PCSK5: variants seen among roughly 807,000 people sequenced by gnomAD.
PCSK5 encodes prohormone convertase 5.
Under a neutral mutation model 233.2 loss-of-function variants are expected in PCSK5, and 129 were observed. That is an observed-to-expected ratio of 0.55 (90% confidence interval 0.48 to 0.64). The LOEUF (loss-of-function observed/expected upper bound fraction) is 0.64. Among genes scored for constraint, PCSK5 ranks in the 30% least tolerant of loss-of-function variants. The pLI is 0.00. For synonymous variants in PCSK5, 825 were observed against 879.2 expected (o/e 0.94, Z 1.09); for missense variants, 2,076 against 2,430.1 (o/e 0.85, Z 3.06).
At chr9:75,917,518 A>G (rs1017824541) in intron 1 of PCSK5, among the ~76,000 whole-genome samples, 3 of 152,258 alleles carry the variant, frequency 2.0e-5, no homozygotes, top group African/African-American at 7.2e-5. Context: ...CATCAGATTC[A>G]ATATTTGCCC....
intron 24 of PCSK5, among the ~76,000 whole-genome samples, chr9:76,274,864 T>C (rs1168233754): frequency 1.3e-5 from 2 of 152,194 alleles, no homozygotes; most frequent in Non-Finnish European, 2.9e-5. Context: ...GGCTCCAGCA[T>C]CTGCTTCTAG....
rs59248860 is a variant in PCSK5, at chr9:76,173,496, C to CTTTTTTTTTTTTT, written c.1757-1466_1757-1454dup. ...CTTTAATGAAATGGAGGCACGTTTC[C>CTTTTTTTTTTTTT]TTTTTTTTTTTTTTTTTTTTTTTTT... is the stretch of plus-strand genomic sequence containing the variant. On this transcript the variant is annotated intron_variant, in intron 13 of 37. Coordinates refer to ENST00000674117, the MANE Select transcript of PCSK5 (RefSeq NM_001372043.1). Among the ~76,000 whole-genome samples, 194 of 60,978 alleles carry CTTTTTTTTTTTTT rather than the reference C, an allele frequency of 3.2e-3. 26 individuals carry two copies. Among genetic ancestry groups the CTTTTTTTTTTTTT allele is most frequent in the Non-Finnish European group, 4.4e-3 (132 of 30,114 alleles). 40.0% of individuals were successfully genotyped at this position (60,978 alleles called of 152,430 possible).
At chr9:75,964,637 T>C (rs1247226136) in intron 2 of PCSK5, among the ~76,000 whole-genome samples, 1 of 152,232 alleles carries the variant, frequency 6.6e-6, no homozygotes, top group Non-Finnish European at 1.5e-5. Flanking sequence ...GGTGTGTGCA[T>C]GTTGATGTAT....
At chr9:76,119,367 A>G (rs1270217129) in intron 9 of PCSK5, among the ~76,000 whole-genome samples, 1 of 152,118 alleles carries the variant, frequency 6.6e-6, no homozygotes, top group Non-Finnish European at 1.5e-5. Flanking sequence ...AGTATTATTT[A>G]GTCAAATATA....
chr9:76,161,372 T>C (rs1372984965), intron 12 of PCSK5, among the ~76,000 whole-genome samples: 2 of 152,006 alleles, frequency 1.3e-5, no homozygotes, highest in Non-Finnish European at 2.9e-5. Context: ...AAACTTCAGA[T>C]ACACAATTAC....
At chr9:76,206,185 G>T (rs1316255562) in intron 20 of PCSK5, among the ~76,000 whole-genome samples, 1 of 152,210 alleles carries the variant, frequency 6.6e-6, no homozygotes, top group Non-Finnish European at 1.5e-5. Context: ...TAAATTCCCA[G>T]TTGATGCTGA....
At chr9:76,109,432 A>AT (rs869255908) in intron 9 of PCSK5, among the ~76,000 whole-genome samples, 721 of 26,922 alleles carry the variant, frequency 0.027, 2 homozygotes, top group African/African-American at 0.057. Context: ...TAACACTATT[A>AT]TTTTTTTAAA....
At chr9:75,976,828 A>T (rs568503319) in intron 2 of PCSK5, among the ~76,000 whole-genome samples, 1 of 152,234 alleles carries the variant, frequency 6.6e-6, no homozygotes, top group Non-Finnish European at 1.5e-5. Flanking sequence ...AATGTTAAAG[A>T]AATATCCCCT....
chr9:75,909,158 CTA>C (rs1822601127), intron 1 of PCSK5, among the ~76,000 whole-genome samples: 1 of 145,622 alleles, frequency 6.9e-6, no homozygotes, highest in Admixed American at 6.9e-5. Context: ...AACCCTTTCT[CTA>C]CTAAAAATAC....
At chr9:76,182,821 G>A (rs1232166572) in intron 16 of PCSK5, among the ~76,000 whole-genome samples, 2 of 152,058 alleles carry the variant, frequency 1.3e-5, no homozygotes, top group Non-Finnish European at 2.9e-5. Context: ...CACAACCTAA[G>A]GAGACAAAGA....
intron 1 of PCSK5, among the ~76,000 whole-genome samples, chr9:75,896,598 T>A (rs1825816147): frequency 6.6e-6 from 1 of 152,206 alleles, no homozygotes; most frequent in African/African-American, 2.4e-5. Context: ...GCATTGGGAC[T>A]TTTTTATTCA....
intron 2 of PCSK5, among the ~76,000 whole-genome samples, chr9:75,965,333 A>C (rs1345957787): frequency 8.9e-6 from 1 of 112,232 alleles, no homozygotes; most frequent in Non-Finnish European, 1.9e-5. Flanking sequence ...TGAGGAGTGG[A>C]TTCACTTGAT....
chr9:76,195,011 A>AAGAT, intron 20 of PCSK5: 1 of 177,698 alleles, frequency 5.6e-6, no homozygotes, highest in East Asian at 1.7e-4. Flanking sequence ...CTAGACATCA[A>AAGAT]AGATAACTTA....
chr9:76,347,994 G>C (rs567116388), intron 35 of PCSK5, among the ~76,000 whole-genome samples: 1 of 152,078 alleles, frequency 6.6e-6, no homozygotes, highest in East Asian at 1.9e-4. Context: ...CATCAGGCCA[G>C]GCACAGTGGC....
At chr9:76,016,857 A>G (rs80011545) in intron 3 of PCSK5, among the ~76,000 whole-genome samples, 3,886 of 152,132 alleles carry the variant, frequency 0.026, 152 homozygotes, top group African/African-American at 0.088. Flanking sequence ...TTGATTTCTT[A>G]ACCCTCAATT....
At chr9:76,219,927 A>G (rs747700735) in intron 20 of PCSK5, among the ~76,000 whole-genome samples, 1 of 152,246 alleles carries the variant, frequency 6.6e-6, no homozygotes, top group Non-Finnish European at 1.5e-5. Flanking sequence ...CCGTGAATGC[A>G]TCAGACACTG....
intron 3 of PCSK5, among the ~76,000 whole-genome samples, chr9:76,021,758 G>T (rs186239516): frequency 9.2e-5 from 14 of 152,230 alleles, no homozygotes; most frequent in African/African-American, 3.4e-4. Context: ...GGAGGCATTG[G>T]AGGCACCTGT....
chr9:76,061,211 A>G (rs1830017336), intron 5 of PCSK5, among the ~76,000 whole-genome samples: 1 of 152,194 alleles, frequency 6.6e-6, no homozygotes, highest in Admixed American at 6.5e-5. Flanking sequence ...GTAATTGGAG[A>G]ATATACATCA....
At chr9:75,893,829 T>A (rs904290660) in intron 1 of PCSK5, among the ~76,000 whole-genome samples, 9 of 152,204 alleles carry the variant, frequency 5.9e-5, no homozygotes, top group Non-Finnish European at 7.3e-5. Flanking sequence ...TGAACCAGTG[T>A]AAAAAGATCA....
Sources: allele counts gnomAD v4.1 joint callset (sites outside exome capture counted in the v4.1 genomes callset), GRCh38; gene constraint gnomAD v4.1.1; transcripts MANE v1.5; gene names NCBI Gene and HGNC (gene_info 2026-07-23, HGNC 2026-07-21).